Variants in PGAM5 observed in about 807,000 individuals in gnomAD.
The protein encoded by PGAM5 is PGAM family member 5, mitochondrial serine/threonine protein phosphatase, also known as serine/threonine-protein phosphatase PGAM5, mitochondrial.
A neutral mutation model predicts 30.6 loss-of-function variants in PGAM5; 25 were observed. The observed-to-expected ratio is 0.82, with a 90% confidence interval of 0.60 to 1.14. PGAM5 has a LOEUF of 1.14. PGAM5 is among the 50% of genes most tolerant of loss of function. The pLI, the probability that PGAM5 is intolerant of heterozygous loss-of-function variation, is 0.00. For synonymous variants in PGAM5, 201 were observed against 179.1 expected (o/e 1.12, Z -0.98); for missense variants, 384 against 408.5 (o/e 0.94, Z 0.52).
At chr12:132,711,599 T>C (rs970035971) in intron 1 of PGAM5, 2 of 152,070 alleles carry the variant, frequency 1.3e-5, no homozygotes. Context: ...CTGGGCAACA[T>C]AGTGAGACCC....
intron 1 of PGAM5, among the ~76,000 whole-genome samples, chr12:132,713,479 G>A (rs983579128): frequency 1.3e-5 from 2 of 152,022 alleles, no homozygotes; most frequent in African/African-American, 4.8e-5. Context: ...ATTTTCTCTG[G>A]CTCAGCCTGA....
At position 132,714,829 on chromosome 12, in the gene PGAM5, CAAGGACATATCT is replaced by C. The variant is rs1354697148; in HGVS notation, c.192-28_192-17del. 6.2e-7 allele frequency: 1 copy of C among 1,608,572 alleles called. No homozygotes were observed. Among genetic ancestry groups the C allele is most frequent in the East Asian group, 2.2e-5 (1 of 44,766 alleles). Reference sequence around the variant, plus strand: ...AACTCAAACTTGGGAACAGAGGTCTCAAGGACATATCTTGTATTTCAACATCAGGCGAGAACC... The same window carrying C: ...AACTCAAACTTGGGAACAGAGGTCTCTGTATTTCAACATCAGGCGAGAACC... On this transcript the variant is annotated splice_polypyrimidine_tract_variant and intron_variant, in intron 1 of 5. Transcript: ENST00000498926.
Position 132,717,451 on chromosome 12 carries a change from C to T in PGAM5, c.383C>T (p.Ala128Val), listed in dbSNP as rs1486652828. 2.5e-6 allele frequency: 4 copies of T among 1,607,672 alleles called. No individual in the cohort carries two copies. In the African/African-American group the frequency reaches 5.3e-5, roughly 21 times the overall value. The stretch of plus-strand genomic sequence containing the variant: ...TTTCACCTTCCAGGTCGGGAGCAGG[C>T]TGAACTCACTGGGCTCCGCCTGGCA... ...RTLTPLGREQ[A>V]ELTGLRLASL... Residue 128 changes from alanine to valine, a missense_variant, in exon 3 of 6, where the codon GCT (alanine) becomes GTT (valine). Physicochemically the swap from Ala to Val is moderately conservative, Grantham distance 64 (BLOSUM62 0). Coordinates refer to ENST00000498926, the MANE Select transcript of PGAM5 (RefSeq NM_001170543.2).
rs2043639528 is a variant in PGAM5 at position 132,720,998 on chromosome 12, G to C, written c.*170G>C. ...TGGGATCAGACAGCCTGACTTCTCT[G>C]CAGGGTTTTATACCTGACCATGAAC... On this transcript the variant is annotated 3_prime_UTR_variant, in exon 6 of 6. Transcript: ENST00000498926. The C allele has an allele frequency of 5.9e-6, 5 of 840,494 alleles. No homozygotes were observed. The highest frequency in any genetic ancestry group is 8.9e-6 in the Non-Finnish European group (5 of 561,464). 52.1% of individuals were successfully genotyped at this position (840,494 alleles called of 1,614,324 possible). A position where few individuals can be genotyped will look rare whatever the true frequency, so the allele number is the denominator to read the frequency against.
intron 1 of PGAM5, among the ~76,000 whole-genome samples, chr12:132,712,617 C>G (rs1157613216): frequency 6.6e-6 from 1 of 151,994 alleles, no homozygotes; most frequent in Admixed American, 6.6e-5. Flanking sequence ...CCATTATGCC[C>G]AGCTAATTTT....
intron 5 of PGAM5, chr12:132,718,932 C>A: frequency 6.4e-7 from 1 of 1,554,526 alleles, no homozygotes; most frequent in Non-Finnish European, 8.7e-7. Flanking sequence ...GCTGCTCCCT[C>A]GGGGGGCCCT....
At chr12:132,718,220 AC>A in intron 5 of PGAM5, 100 bp downstream of exon 5, 1 of 1,489,730 alleles carries the variant, frequency 6.7e-7, no homozygotes, top group Non-Finnish European at 9.0e-7. Flanking sequence ...TGCCGATGCC[AC>A]CCTAGTCAGG....
In PGAM5 at chr12:132,717,540, G is replaced by A. The variant is rs1217846783; in HGVS notation, c.472G>A (p.Asp158Asn). 5.6e-6 allele frequency: 9 copies of A among 1,610,668 alleles called. No individual in the cohort carries two copies. In the East Asian group the frequency reaches 6.7e-5, roughly 12 times the overall value. The stretch of plus-strand genomic sequence containing the variant: ...TATGACGCGCGCCATAGAGACCACC[G>A]ATATCATCAGCCGGCACCTGCCAGG... Reference protein sequence around the residue: ...SSMTRAIETTDIISRHLPGVC... With the variant: ...SSMTRAIETTNIISRHLPGVC... The change falls in exon 3 of 6, where the codon GAT (aspartate) becomes AAT (asparagine). Residue 158 changes from aspartate to asparagine, a missense_variant. By Grantham distance (23) the Asp-to-Asn change is conservative. Transcript: ENST00000498926.
chr12:132,717,673 G>A (rs2043595109), intron 3 of PGAM5, 37 bp from the exon 4 acceptor site: 3 of 1,565,348 alleles, frequency 1.9e-6, no homozygotes, highest in Middle Eastern at 1.7e-4. Context: ...CGCCGGCGGG[G>A]CCGCCTCACC....
intron 2 of PGAM5, among the ~76,000 whole-genome samples, chr12:132,715,335 C>T (rs2043564589): frequency 6.6e-6 from 1 of 151,646 alleles, no homozygotes; most frequent in African/African-American, 2.4e-5. Context: ...CTTTGGGAGG[C>T]CGAGGCAGGT....
At chr12:132,717,644 C>T (rs958766268) in intron 3 of PGAM5, 66 bp from the exon 4 acceptor site, 14 of 1,588,570 alleles carry the variant, frequency 8.8e-6, no homozygotes, top group South Asian at 5.6e-5. Context: ...TCCTGGCCAC[C>T]GGGAGGTCAC....
chr12:132,717,712 G>A lies in PGAM5; in HGVS notation c.499G>A (p.Val167Ile), dbSNP rs749632886. 1.7e-5 allele frequency: 26 copies of A among 1,571,622 alleles called. No individual in the cohort carries two copies. Among genetic ancestry groups the A allele is most frequent in the Admixed American group, 9.3e-5 (5 of 53,604 alleles). Residue 167 changes from valine (V) to isoleucine (I), a missense_variant and splice_region_variant, in exon 4 of 6, where the codon GTC becomes ATC. Physicochemically the swap from Val to Ile is conservative, Grantham distance 29 (BLOSUM62 3). Transcript: ENST00000498926. ...CGCTTCGCTGTGCTTCTCTGCAGGC[G>A]TCTGCAAAGTCAGCACAGATCTGCT... ...TDIISRHLPG[V>I]CKVSTDLLRE...
At chr12:132,716,294 C>T (rs944805163) in intron 2 of PGAM5, among the ~76,000 whole-genome samples, 3 of 152,086 alleles carry the variant, frequency 2.0e-5, no homozygotes, top group Admixed American at 1.3e-4. Flanking sequence ...ACCGTGTTAG[C>T]CAGGATGGTC....
At chr12:132,719,271 CTGGTCAGTGA>C in intron 5 of PGAM5, 1 of 1,079,946 alleles carries the variant, frequency 9.3e-7, no homozygotes, top group African/African-American at 1.7e-5. Context: ...CAGGACGGCA[CTGGTCAGTGA>C]TGCCGTGTGA....
intron 5 of PGAM5, among the ~76,000 whole-genome samples, chr12:132,719,418 C>G (rs2043621390): frequency 6.6e-6 from 1 of 152,246 alleles, no homozygotes; most frequent in African/African-American, 2.4e-5. Context: ...GATTCTCAAG[C>G]TTGGCTCCAG....
Position 132,720,705 on chromosome 12 carries a change from G to A in PGAM5, c.747G>A (p.Trp249Ter). ...CRALQFPPEG[W>*]LRLSLNNGSI... The stretch of plus-strand genomic sequence containing the variant: ...CACTGCAGTTTCCTCCTGAAGGCTG[G>A]CTCCGGCTCTCCCTCAATAATGGCA... The change falls in exon 6 of 6, where the codon TGG becomes TGA. Residue 249 changes from tryptophan (W) to a stop codon, truncating the protein, a stop_gained. Coordinates refer to ENST00000498926, the MANE Select transcript of PGAM5 (RefSeq NM_001170543.2). LOFTEE classifies it high-confidence loss of function. 1 of 1,536,078 alleles carries A rather than the reference G, an allele frequency of 6.5e-7. No individual in the cohort carries two copies.
intron 5 of PGAM5, chr12:132,719,209 C>T (rs1464973566): frequency 8.7e-7 from 1 of 1,152,962 alleles, no homozygotes; most frequent in Middle Eastern, 4.0e-4. Context: ...TGTGTGTGGG[C>T]TCCGCAGCTG....
At position 132,720,877 on chromosome 12, in the gene PGAM5, A is replaced by T; in HGVS notation, c.*49A>T. 2 of 1,500,302 alleles carry T rather than the reference A, an allele frequency of 1.3e-6. No homozygotes were observed. The highest frequency in any genetic ancestry group is 1.2e-5 in the South Asian group (1 of 80,538). 92.9% of individuals were successfully genotyped at this position (1,500,302 alleles called of 1,614,324 possible). ...TGTCCTCCCTGCACAGGCCGCACAC[A>T]CTTAACGTTTTGTTCCCAAGGAGAC... On this transcript the variant is annotated 3_prime_UTR_variant, in exon 6 of 6. Transcript: ENST00000498926.
At chr12:132,715,486 G>A (rs1032640270) in intron 2 of PGAM5, among the ~76,000 whole-genome samples, 1 of 150,932 alleles carries the variant, frequency 6.6e-6, no homozygotes, top group Non-Finnish European at 1.5e-5. Context: ...CAGGAGAATG[G>A]TGTGAACCCT....
Sources: allele counts gnomAD v4.1 joint callset (sites outside exome capture counted in the v4.1 genomes callset), GRCh38; gene constraint gnomAD v4.1.1; transcripts MANE v1.5; gene names NCBI Gene and HGNC (gene_info 2026-07-23, HGNC 2026-07-21).